Variants in ZFP82 observed in about 807,000 individuals in gnomAD.
ZFP82 encodes ZFP82 zinc finger protein, also known as zinc finger protein 82 homolog.
ZFP82 carries 30 observed loss-of-function variants against 54.0 expected under a neutral mutation model. That is an observed-to-expected ratio of 0.56 (90% CI 0.42 to 0.75). The LOEUF is 0.75. Among genes scored for constraint, ZFP82 ranks in the 30% least tolerant of loss-of-function variants. The probability of loss-of-function intolerance (pLI) is 0.00; values close to 1 mark genes in which losing one functional copy is unlikely to be tolerated. For synonymous variants in ZFP82, 194 were observed against 209.5 expected, an observed-to-expected ratio of 0.93 and a Z score of 0.64; for missense variants, 500 against 636.8, an observed-to-expected ratio of 0.79 and a Z score of 2.31.
intron 1 of ZFP82, among the ~76,000 whole-genome samples, chr19:36,415,652 T>C (rs771444528): frequency 7.9e-5 from 12 of 152,054 alleles, no homozygotes; most frequent in Non-Finnish European, 1.5e-4. Context: ...CTCCCAAGTG[T>C]TGAGATTACA....
downstream of ZFP82, among the ~76,000 whole-genome samples, chr19:36,385,414 C>A (rs2032104613): frequency 6.6e-6 from 1 of 152,136 alleles, no homozygotes; most frequent in African/African-American, 2.4e-5. Flanking sequence ...CAGACTAAGA[C>A]AGAAAATTGG....
At chr19:36,412,624 T>C (rs746711459) in intron 1 of ZFP82, among the ~76,000 whole-genome samples, 10 of 152,242 alleles carry the variant, frequency 6.6e-5, no homozygotes, top group Non-Finnish European at 2.9e-5. Context: ...TTTTGTTTTG[T>C]TTCTGAAAGA....
intron 4 of ZFP82, chr19:36,396,061 A>AT (rs34319197): frequency 0.44 from 60,170 of 136,690 alleles, 12,758 homozygotes; most frequent in African/African-American, 0.47. Flanking sequence ...ACGCCTGGCT[A>AT]TTTTTTTTTT....
Position 36,394,125 on chromosome 19 carries a change from G to C in ZFP82, c.230-15C>G. 6.3e-7 allele frequency: 1 copy of C among 1,588,400 alleles called. No individual in the cohort carries two copies. Among genetic ancestry groups the C allele is most frequent in the South Asian group, 1.2e-5 (1 of 86,348 alleles). ...GGTCTCCAAATCTAAAATAAAACAA[G>C]AAAGCAAACACATGCTGTTTTCTTT... On this transcript the variant is annotated splice_polypyrimidine_tract_variant and intron_variant, in intron 4 of 4. Coordinates refer to ENST00000392161, the MANE Select transcript of ZFP82 (RefSeq NM_133466.4).
chr19:36,414,653 C>T (rs1468896755), intron 1 of ZFP82, among the ~76,000 whole-genome samples: 2 of 151,906 alleles, frequency 1.3e-5, no homozygotes, highest in Non-Finnish European at 2.9e-5. Context: ...TGAGCCACCG[C>T]ACCTGGCCTA....
intron 3 of ZFP82, among the ~76,000 whole-genome samples, chr19:36,406,676 TC>T (rs1191155937): frequency 5.3e-5 from 8 of 152,228 alleles, no homozygotes; most frequent in African/African-American, 1.9e-4. Context: ...TACTTATACA[TC>T]TTTGTATAGA....
intron 1 of ZFP82, 68 bp from the exon 2 acceptor site, chr19:36,409,935 T>C (rs915078276): frequency 1.4e-5 from 11 of 793,278 alleles, no homozygotes; most frequent in African/African-American, 1.0e-4. Flanking sequence ...TTTGAGTTAC[T>C]GTGACCTTTC....
downstream of ZFP82, among the ~76,000 whole-genome samples, chr19:36,387,376 T>A (rs183268107): frequency 6.6e-6 from 1 of 152,288 alleles, no homozygotes; most frequent in East Asian, 1.9e-4. Context: ...TAAGAAGTGA[T>A]TGGTCCATGA....
chr19:36,413,546 G>C (rs942900792), intron 1 of ZFP82, among the ~76,000 whole-genome samples: 2 of 152,306 alleles, frequency 1.3e-5, no homozygotes, highest in Middle Eastern at 3.4e-3. Flanking sequence ...ATTAATTAAA[G>C]AAGGAAGATA....
Position 36,393,122 on chromosome 19 carries a change from G to A in ZFP82, c.1218C>T (p.Tyr406=), listed in dbSNP as rs1331261559. Residue 406 remains tyrosine (Y), a synonymous_variant, in exon 5 of 5, where the codon TAC becomes TAT. Coordinates refer to ENST00000392161, the MANE Select transcript of ZFP82 (RefSeq NM_133466.4). The part of the protein sequence containing the change: ...CKECWKAFSR[Y]SQLISHQSIH... Reference sequence around the variant, plus strand: ...TACTCTGATGTGAAATAAGTTGTGAGTAGCGACTAAAGGCTTTCCAGCATT... The same window carrying A: ...TACTCTGATGTGAAATAAGTTGTGAATAGCGACTAAAGGCTTTCCAGCATT... The A allele has an allele frequency of 6.2e-7, 1 of 1,613,774 alleles. No individual in the cohort carries two copies. Among genetic ancestry groups the A allele is most frequent in the Non-Finnish European group, 8.5e-7 (1 of 1,179,978 alleles).
chr19:36,402,546 G>A (rs1468474263), intron 4 of ZFP82, among the ~76,000 whole-genome samples: 3 of 150,526 alleles, frequency 2.0e-5, no homozygotes, highest in African/African-American at 7.3e-5. Context: ...GGTTAAGTCA[G>A]AAGATAGAAC....
At chr19:36,386,183 C>T (rs973422709), downstream of ZFP82, among the ~76,000 whole-genome samples, 3 of 152,250 alleles carry the variant, frequency 2.0e-5, no homozygotes, top group Admixed American at 6.5e-5. Context: ...CATGACTCTG[C>T]TTCCCACATG....
At chr19:36,406,892 T>A (rs933512480) in intron 3 of ZFP82, among the ~76,000 whole-genome samples, 1 of 152,154 alleles carries the variant, frequency 6.6e-6, no homozygotes, top group Non-Finnish European at 1.5e-5. Context: ...AATTAGCAAA[T>A]CAGGGTAATT....
At chr19:36,401,541 T>C (rs80259706) in intron 4 of ZFP82, among the ~76,000 whole-genome samples, 176 of 152,370 alleles carry the variant, frequency 1.2e-3, no homozygotes, top group African/African-American at 3.8e-3. Context: ...ATACACATCA[T>C]GAGCCTAACA....
At chr19:36,406,589 A>G (rs1414484920) in intron 3 of ZFP82, among the ~76,000 whole-genome samples, 5 of 152,208 alleles carry the variant, frequency 3.3e-5, no homozygotes, top group African/African-American at 1.2e-4. Context: ...TGTTCCTTCA[A>G]TGAATATTCT....
At chr19:36,386,427 CAG>C (rs1404939473), downstream of ZFP82, among the ~76,000 whole-genome samples, 2 of 152,328 alleles carry the variant, frequency 1.3e-5, no homozygotes, top group South Asian at 2.1e-4. Flanking sequence ...AGAACCACTG[CAG>C]AGAGTCCCCA....
At chr19:36,386,304 G>A (rs1345591991), downstream of ZFP82, among the ~76,000 whole-genome samples, 1 of 152,258 alleles carries the variant, frequency 6.6e-6, no homozygotes, top group African/African-American at 2.4e-5. Flanking sequence ...TCAATGTGGT[G>A]CTAATTTGGC....
At chr19:36,396,799 C>A (rs1271554620) in intron 4 of ZFP82, among the ~76,000 whole-genome samples, 1 of 151,430 alleles carries the variant, frequency 6.6e-6, no homozygotes, top group Non-Finnish European at 1.5e-5. Context: ...TCTGTCTATG[C>A]CACTGCACTC....
downstream of ZFP82, among the ~76,000 whole-genome samples, chr19:36,384,608 C>G (rs528336990): frequency 6.6e-6 from 1 of 152,230 alleles, no homozygotes; most frequent in Admixed American, 6.5e-5. Flanking sequence ...ATACATGTTT[C>G]ACAAAATCAT....
Sources: allele counts gnomAD v4.1 joint callset (sites outside exome capture counted in the v4.1 genomes callset), GRCh38; gene constraint gnomAD v4.1.1; transcripts MANE v1.5; gene names NCBI Gene and HGNC (gene_info 2026-07-23, HGNC 2026-07-21).